The following AGK variants were observed in gnomAD, a reference collection of about 807,000 sequenced individuals.
The protein encoded by AGK is acylglycerol kinase.
A neutral mutation model predicts 66.4 loss-of-function variants in AGK; 52 were observed. The ratio of observed to expected loss-of-function variants is 0.78; its 90% confidence interval spans 0.63 to 0.99. AGK has a LOEUF of 0.99. Among genes scored for constraint, AGK ranks in the 50% least tolerant of loss-of-function variants. AGK has a pLI of 0.00. For missense variants in AGK, 451 were observed against 506.6 expected (o/e 0.89, Z 1.05); for synonymous variants, 182 against 181.1 (o/e 1.00, Z -0.04).
At chr7:141,648,338 G>T (rs1383366680) in intron 13 of AGK, among the ~76,000 whole-genome samples, 4 of 152,222 alleles carry the variant, frequency 2.6e-5, no homozygotes, top group African/African-American at 9.6e-5. Context: ...TGTGGGTTTT[G>T]TTCATTGGTG....
intron 5 of AGK, among the ~76,000 whole-genome samples, chr7:141,606,116 A>G (rs1224271512): frequency 6.6e-6 from 1 of 152,184 alleles, no homozygotes; most frequent in Non-Finnish European, 1.5e-5. Flanking sequence ...TCATTTGTTT[A>G]TTCATTCCCA....
rs572946081 is a variant in AGK at position 141,638,049 on chromosome 7, A to G, written c.726+1032A>G. Among the ~76,000 whole-genome samples, 5 of 152,320 alleles carry G rather than the reference A, an allele frequency of 3.3e-5. No homozygotes were observed. In the South Asian group the frequency reaches 1.0e-3, roughly 32 times the overall value. ...TAGAGTAGCTACATATTTAAATGGA[A>G]TATAAACTGTTGCCACTATTTATTC... On this transcript the variant is annotated intron_variant, in intron 11 of 15. Transcript: ENST00000649286.
intron 2 of AGK, among the ~76,000 whole-genome samples, chr7:141,590,115 A>C (rs944263561): frequency 6.6e-6 from 1 of 152,248 alleles, no homozygotes; most frequent in South Asian, 2.1e-4. Context: ...CTAGCAACAA[A>C]GAACTTAGGG....
chr7:141,640,734 T>A (rs973850144), intron 11 of AGK, among the ~76,000 whole-genome samples: 1 of 152,028 alleles, frequency 6.6e-6, no homozygotes, highest in Non-Finnish European at 1.5e-5. Flanking sequence ...GGACTTGGGA[T>A]GCCAGGACAT....
At chr7:141,607,423 T>A (rs1796487626) in intron 5 of AGK, among the ~76,000 whole-genome samples, 1 of 152,200 alleles carries the variant, frequency 6.6e-6, no homozygotes, top group Admixed American at 6.5e-5. Flanking sequence ...TATTTCCATA[T>A]GCTTATTATC....
chr7:141,597,918 A>C (rs1038607295), intron 4 of AGK, among the ~76,000 whole-genome samples: 4 of 148,428 alleles, frequency 2.7e-5, no homozygotes, highest in African/African-American at 1.0e-4. Context: ...AAAAAAAAAA[A>C]AGAAAGAAGA....
At chr7:141,591,084 T>TTG (rs2116917743) in intron 2 of AGK, among the ~76,000 whole-genome samples, 1 of 8,088 alleles carries the variant, frequency 1.2e-4, no homozygotes, top group African/African-American at 2.7e-4. Flanking sequence ...CTTAAGTTGT[T>TTG]TTTTTTTTTT....
chr7:141,551,661 G>T (rs917244458), intron 1 of AGK, among the ~76,000 whole-genome samples: 12 of 152,308 alleles, frequency 7.9e-5, no homozygotes, highest in Non-Finnish European at 1.5e-4. Context: ...GGAGGGCCTC[G>T]CGCGGATCCC....
intron 9 of AGK, among the ~76,000 whole-genome samples, chr7:141,623,357 T>A (rs1587139474): frequency 8.5e-6 from 1 of 117,416 alleles, no homozygotes. Context: ...CCAGCCTGGG[T>A]AACTAGAGCA....
At chr7:141,586,680 A>C (rs1796001086) in intron 2 of AGK, among the ~76,000 whole-genome samples, 2 of 152,142 alleles carry the variant, frequency 1.3e-5, no homozygotes, top group Non-Finnish European at 2.9e-5. Flanking sequence ...CAATCCTTGA[A>C]GATGTAAAGT....
rs147350139 is a variant in AGK at position 141,584,593 on chromosome 7, T to G, written c.102-8553T>G. Reference sequence around the variant, plus strand: ...TGTCCTTAACCTTGGCAAAATAAACTTTCTACATTGAATGAGACCTGTCTC... The same window carrying G: ...TGTCCTTAACCTTGGCAAAATAAACGTTCTACATTGAATGAGACCTGTCTC... On this transcript the variant is annotated intron_variant, in intron 2 of 15. Transcript: ENST00000649286. Among the ~76,000 whole-genome samples, 19 of 152,366 alleles carry G rather than the reference T, an allele frequency of 1.2e-4. No individual in the cohort carries two copies. The East Asian group carries it at 2.9e-3, about 23-fold the overall frequency.
chr7:141,650,673 T>C, intron 14 of AGK: 2 of 985,458 alleles, frequency 2.0e-6, no homozygotes, highest in African/African-American at 1.7e-5. Context: ...TGTCTGTATA[T>C]GCGCTGGAAA....
chr7:141,621,064 A>C (rs531117446), intron 8 of AGK, among the ~76,000 whole-genome samples: 120 of 152,348 alleles, frequency 7.9e-4, no homozygotes, highest in Middle Eastern at 3.4e-3. Flanking sequence ...AGACAGGCTC[A>C]TTAAAGCCTG....
At chr7:141,583,726 C>T (rs757741393) in intron 2 of AGK, among the ~76,000 whole-genome samples, 55 of 151,942 alleles carry the variant, frequency 3.6e-4, no homozygotes, top group Middle Eastern at 3.4e-3. Context: ...TGACTGGTGC[C>T]GGAGTTTTGG....
chr7:141,579,180 G>A (rs544981362), intron 2 of AGK, among the ~76,000 whole-genome samples: 1 of 152,134 alleles, frequency 6.6e-6, no homozygotes, highest in East Asian at 1.9e-4. Flanking sequence ...CCAAGGACAG[G>A]CCCGAATTCT....
intron 9 of AGK, 95 bp downstream of exon 9, chr7:141,621,896 A>C (rs1185845433): frequency 2.2e-5 from 19 of 883,152 alleles, no homozygotes; most frequent in Non-Finnish European, 3.2e-5. Context: ...TGAGGTTATA[A>C]TGAAAACAAT....
chr7:141,641,277 C>G lies in AGK; in HGVS notation c.756C>G (p.Ile252Met). 6.2e-7 allele frequency: 1 copy of G among 1,613,918 alleles called. No individual in the cohort carries two copies. ...KEWPQTHQAS[I>M]SYTGPTERPP... ...GGCCTCAGACTCATCAAGCCTCTAT[C>G]TCATACACGGGACCTACAGAGAGAC... Residue 252 changes from isoleucine (I) to methionine (M), a missense_variant, in exon 12 of 16, where the codon ATC (isoleucine) becomes ATG (methionine). By Grantham distance (10) the Ile-to-Met change is conservative (BLOSUM62 1). Coordinates refer to ENST00000649286, the MANE Select transcript of AGK (RefSeq NM_018238.4).
At chr7:141,569,139 T>C (rs961503789) in intron 2 of AGK, among the ~76,000 whole-genome samples, 1 of 152,232 alleles carries the variant, frequency 6.6e-6, no homozygotes, top group Non-Finnish European at 1.5e-5. Flanking sequence ...TTTCAAGTTC[T>C]ATGGTCAAAA....
chr7:141,571,440 C>T (rs1299334480), intron 2 of AGK, among the ~76,000 whole-genome samples: 1 of 152,218 alleles, frequency 6.6e-6, no homozygotes, highest in Non-Finnish European at 1.5e-5. Context: ...TGTGTTTGCT[C>T]ATTAAAGTTT....
Sources: gnomAD v4.1 joint callset for allele counts (sites outside exome capture counted in the v4.1 genomes callset) on GRCh38, gnomAD v4.1.1 for gene constraint, MANE v1.5 for transcripts, NCBI Gene and HGNC (gene_info 2026-07-23, HGNC 2026-07-21) for gene names.